DPP6: variants seen among roughly 807,000 people sequenced by gnomAD.
DPP6 encodes dipeptidyl peptidase like 6.
A neutral mutation model predicts 122.6 loss-of-function variants in DPP6; 69 were observed. The observed-to-expected ratio is 0.56, with a 90% CI of 0.46 to 0.69. The LOEUF is 0.69. DPP6 is among the 30% of genes least tolerant of loss of function. The probability of loss-of-function intolerance (pLI) is 0.00; values close to 1 mark genes in which losing one functional copy is unlikely to be tolerated. For synonymous variants in DPP6, 418 were observed against 433.1 expected (o/e 0.97, Z 0.43); for missense variants, 928 against 1,116.9 (o/e 0.83, Z 2.41).
At chr7:154,073,339 G>A (rs887127731) in intron 1 of DPP6, among the ~76,000 whole-genome samples, 7 of 152,178 alleles carry the variant, frequency 4.6e-5, no homozygotes, top group African/African-American at 7.2e-5. Context: ...CTCCTGGTCC[G>A]CCTTCTTCTC....
intron 22 of DPP6, among the ~76,000 whole-genome samples, chr7:154,886,776 C>T (rs1446799549): frequency 6.6e-6 from 1 of 152,136 alleles, no homozygotes; most frequent in Non-Finnish European, 1.5e-5. Flanking sequence ...CTGTGCTGGC[C>T]GAGCCCTGTA....
In DPP6 at chr7:154,859,867, C is replaced by T. The variant is rs192155795; in HGVS notation, c.1714+6040C>T. Among the ~76,000 whole-genome samples the T allele has an allele frequency of 1.7e-3, 255 of 152,268 alleles. 2 individuals carry two copies. Among genetic ancestry groups the T allele is most frequent in the African/African-American group, 5.8e-3 (239 of 41,550 alleles). On this transcript the variant is annotated intron_variant, in intron 17 of 25. Transcript: ENST00000377770. ...ACTCGACGTGTGGGAGTCGAAATTG[C>T]GGTGTGGCTTGCAATGCAGCCCCAC...
chr7:154,539,158 G>C (rs1828503129), intron 3 of DPP6, among the ~76,000 whole-genome samples: 1 of 152,168 alleles, frequency 6.6e-6, no homozygotes, highest in African/African-American at 2.4e-5. Context: ...CAAGGTTACT[G>C]CCTTCACTCA....
At chr7:154,055,683 C>G (rs527353453) in intron 1 of DPP6, 4 of 152,316 alleles carry the variant, frequency 2.6e-5, no homozygotes, top group South Asian at 4.1e-4. Context: ...CTGGGAGCGC[C>G]GCTACTTCGG....
chr7:154,353,185 G>A (rs1335300252), intron 1 of DPP6, among the ~76,000 whole-genome samples: 2 of 152,198 alleles, frequency 1.3e-5, no homozygotes, highest in Non-Finnish European at 2.9e-5. Flanking sequence ...ATTCCACTTT[G>A]TGAAGTTCTG....
chr7:154,879,975 C>G (rs1409959060), intron 20 of DPP6, among the ~76,000 whole-genome samples: 1 of 152,192 alleles, frequency 6.6e-6, no homozygotes, highest in Admixed American at 6.5e-5. Context: ...ATTTTCAGGA[C>G]AGTGACAGTG....
chr7:153,857,319 G>GC, the DPP6 span, among the ~76,000 whole-genome samples: 1 of 44,364 alleles, frequency 2.3e-5, no homozygotes, highest in African/African-American at 9.4e-5. Flanking sequence ...GAACTCAAAG[G>GC]TTTTCTCTCT....
At chr7:153,833,111 A>G in the DPP6 span, among the ~76,000 whole-genome samples, 9 of 152,186 alleles carry the variant, frequency 5.9e-5, no homozygotes. Context: ...GAGGCCTGGC[A>G]GTTTTCATGG....
chr7:153,761,043 A>G, the DPP6 span, among the ~76,000 whole-genome samples: 2 of 152,268 alleles, frequency 1.3e-5, no homozygotes, highest in East Asian at 3.9e-4. Context: ...CATCCGCTTT[A>G]GTCTGAAAAC....
At chr7:154,221,175 C>A (rs779327711) in intron 1 of DPP6, among the ~76,000 whole-genome samples, 1 of 152,128 alleles carries the variant, frequency 6.6e-6, no homozygotes, top group Non-Finnish European at 1.5e-5. Flanking sequence ...GAGTCTCGTT[C>A]TATCACCCAG....
the DPP6 span, among the ~76,000 whole-genome samples, chr7:153,768,466 T>G: frequency 4.6e-5 from 7 of 152,244 alleles, no homozygotes; most frequent in African/African-American, 1.7e-4. Context: ...AGCTTTAGTA[T>G]TATACTACCA....
At chr7:154,350,902 G>A (rs1289352995) in intron 1 of DPP6, among the ~76,000 whole-genome samples, 1 of 152,168 alleles carries the variant, frequency 6.6e-6, no homozygotes, top group Non-Finnish European at 1.5e-5. Flanking sequence ...CAGTGTGTGG[G>A]AAATGAAATC....
At chr7:154,850,869 T>C (rs1447449406) in intron 16 of DPP6, among the ~76,000 whole-genome samples, 1 of 152,230 alleles carries the variant, frequency 6.6e-6, no homozygotes, top group African/African-American at 2.4e-5. Context: ...CAATGTTGTT[T>C]AGCCTTTCAA....
At chr7:154,333,762 G>C (rs907649277) in intron 1 of DPP6, among the ~76,000 whole-genome samples, 4 of 152,116 alleles carry the variant, frequency 2.6e-5, no homozygotes, top group Non-Finnish European at 5.9e-5. Context: ...CATTCAGTTT[G>C]GTATTTGGCA....
rs1010782562 is a variant in DPP6, at chr7:154,569,232, T to G, written c.627+2316T>G. On this transcript the variant is annotated intron_variant, in intron 5 of 25. Coordinates refer to ENST00000377770, the MANE Select transcript of DPP6 (RefSeq NM_130797.4). ...GTAAATTTCAAAGGAAGAGTCTAGG[T>G]CTGTGATTCTGGAATAAGTGGAATA... 6.1e-4 allele frequency among the ~76,000 whole-genome samples: 92 copies of G among 152,038 alleles called. 2 individuals are homozygous for G.
At chr7:154,441,791 G>A (rs1325676189) in intron 1 of DPP6, among the ~76,000 whole-genome samples, 2 of 152,062 alleles carry the variant, frequency 1.3e-5, no homozygotes, top group Non-Finnish European at 2.9e-5. Flanking sequence ...TGGGTTTCTT[G>A]CACTCGAGAT....
intron 1 of DPP6, among the ~76,000 whole-genome samples, chr7:154,343,915 C>T (rs1274001974): frequency 2.0e-5 from 3 of 152,174 alleles, no homozygotes; most frequent in Admixed American, 6.5e-5. Flanking sequence ...GGGGTTTCAC[C>T]GTGTTGGCCA....
intron 2 of DPP6, among the ~76,000 whole-genome samples, chr7:154,470,150 G>A (rs1190397779): frequency 6.6e-6 from 1 of 152,178 alleles, no homozygotes; most frequent in Non-Finnish European, 1.5e-5. Flanking sequence ...TGTGAAGCTA[G>A]CCCTCCATAA....
chr7:154,692,945 C>T (rs995918238), intron 7 of DPP6, among the ~76,000 whole-genome samples: 8 of 152,078 alleles, frequency 5.3e-5, no homozygotes, highest in Admixed American at 5.2e-4. Context: ...GCACACACCA[C>T]TACACCCGGC....
Sources: gnomAD v4.1 joint callset for allele counts (sites outside exome capture counted in the v4.1 genomes callset) on GRCh38, gnomAD v4.1.1 for gene constraint, MANE v1.5 for transcripts, NCBI Gene and HGNC (gene_info 2026-07-23, HGNC 2026-07-21) for gene names.